USH2A: variants seen among roughly 807,000 people sequenced by gnomAD.
The protein encoded by USH2A is Usher syndrome 2A (autosomal recessive, mild).
In USH2A, 443 loss-of-function variants were observed where a neutral mutation model predicts 538.9. The observed-to-expected ratio is 0.82, with a 90% CI of 0.76 to 0.89. USH2A has a LOEUF of 0.89. Among genes scored for constraint, USH2A ranks in the 40% least tolerant of loss-of-function variants. USH2A has a pLI of 0.00. For synonymous variants in USH2A, 2,413 were observed against 2,273.5 expected (o/e 1.06, Z -1.75); for missense variants, 6,633 against 6,324.8 (o/e 1.05, Z -1.65).
chr1:216,341,179 C>G lies in USH2A; in HGVS notation c.785-13525G>C, dbSNP rs576350352. Among the ~76,000 whole-genome samples the G allele has an allele frequency of 2.0e-5, 3 of 152,176 alleles. No homozygotes were observed. In the East Asian group the frequency reaches 5.8e-4, roughly 30 times the overall value. The stretch of plus-strand genomic sequence containing the variant: ...ATACAAAATCAATGTGCAAAGATCA[C>G]AAGCATTTCTATACACCAAAAATAG... On this transcript the variant is annotated intron_variant, in intron 4 of 71. Transcript: ENST00000307340.
At chr1:216,045,068 C>T (rs2030455003) in intron 32 of USH2A, among the ~76,000 whole-genome samples, 1 of 152,132 alleles carries the variant, frequency 6.6e-6, no homozygotes, top group South Asian at 2.1e-4. Context: ...GGGACAGTAT[C>T]TGGCCAGTTC....
chr1:215,871,896 C>T lies in USH2A; in HGVS notation c.8682-4726G>A, dbSNP rs116587232. 6.0e-3 allele frequency among the ~76,000 whole-genome samples: 915 copies of T among 152,190 alleles called. 9 individuals carry two copies. The highest frequency in any genetic ancestry group is 0.021 in the African/African-American group (859 of 41,500). On this transcript the variant is annotated intron_variant, in intron 43 of 71. Transcript: ENST00000307340. Reference sequence around the variant, plus strand: ...TTGTCCAGGGCAAAATATGTGAAGGCTTGTATCTTGGAAGGGACTGATATA... The same window carrying T: ...TTGTCCAGGGCAAAATATGTGAAGGTTTGTATCTTGGAAGGGACTGATATA...
At chr1:216,218,834 A>G (rs536626278) in intron 14 of USH2A, among the ~76,000 whole-genome samples, 4 of 152,106 alleles carry the variant, frequency 2.6e-5, no homozygotes, top group Non-Finnish European at 5.9e-5. Flanking sequence ...AGAGCTGAAG[A>G]AAATTATGTA....
At position 216,035,166 on chromosome 1, in the gene USH2A, TAG is replaced by T. The variant is rs142013772; in HGVS notation, c.6325+11263_6325+11264del. ...AATCACAGCATCAAATGCACAGCAC[TAG>T]AGTTACACGTTGAATTGTGTTCTCC... On this transcript the variant is annotated intron_variant, in intron 32 of 71. Coordinates refer to ENST00000307340, the MANE Select transcript of USH2A (RefSeq NM_206933.4). Among the ~76,000 whole-genome samples the T allele has an allele frequency of 2.6e-3, 394 of 152,302 alleles. 2 individuals carry two copies. Among genetic ancestry groups the T allele is most frequent in the African/African-American group, 9.0e-3 (375 of 41,568 alleles).
At position 215,625,316 on chromosome 1, in the gene USH2A, C is replaced by T. The variant is rs1655975886; in HGVS notation, c.*465G>A. ...TTGGGATTCATTTAGCAGCTGTGATCATTAGAATAACTATTCTTGCAGGAT... is the reference window on the plus strand; with the variant it reads ...TTGGGATTCATTTAGCAGCTGTGATTATTAGAATAACTATTCTTGCAGGAT... On this transcript the variant is annotated 3_prime_UTR_variant, in exon 72 of 72. Coordinates refer to ENST00000307340, the MANE Select transcript of USH2A (RefSeq NM_206933.4). 1 of 207,248 alleles carries T rather than the reference C, an allele frequency of 4.8e-6. No homozygotes were observed. The highest frequency in any genetic ancestry group is 8.4e-5 in the South Asian group (1 of 11,904). The allele number at this position is 207,248 out of a possible 1,614,324, so 12.8% of individuals were successfully genotyped here. A position where few individuals can be genotyped will look rare whatever the true frequency, so the allele number is the denominator to read the frequency against.
At position 215,782,898 on chromosome 1, in the gene USH2A, C is replaced by A; in HGVS notation, c.10425G>T (p.Arg3475Ser). 1 of 1,613,670 alleles carries A rather than the reference C, an allele frequency of 6.2e-7. No homozygotes were observed. The highest frequency in any genetic ancestry group is 2.2e-5 in the East Asian group (1 of 44,850). The change falls in exon 53 of 72, where the codon AGG becomes AGT. Residue 3475 changes from arginine (R) to serine (S), a missense_variant. Transcript: ENST00000307340. ...GCCCATAGCTGTTCCAGGCAGAAAT[C>A]CTGTACTCATATGTCATGTAGGGCT... ...NLKPYMTYEY[R>S]ISAWNSYGRG... is the part of the protein sequence containing the mutation.
At chr1:215,837,909 T>A in intron 47 of USH2A, 82 bp downstream of exon 47, 1 of 1,139,840 alleles carries the variant, frequency 8.8e-7, no homozygotes, top group Middle Eastern at 1.9e-4. Context: ...GAGATTGTCA[T>A]GGCTGAGAGG....
At chr1:216,045,884 A>C (rs2102524278) in intron 32 of USH2A, among the ~76,000 whole-genome samples, 1 of 152,298 alleles carries the variant, frequency 6.6e-6, no homozygotes, top group Admixed American at 6.5e-5. Flanking sequence ...TTTTAGCTTC[A>C]GTTTCACCAT....
chr1:216,194,641 G>A (rs980674893), intron 19 of USH2A, among the ~76,000 whole-genome samples: 8 of 152,118 alleles, frequency 5.3e-5, no homozygotes, highest in African/African-American at 1.9e-4. Flanking sequence ...GTTTTTAGGA[G>A]TTCAAGTGGC....
intron 38 of USH2A, among the ~76,000 whole-genome samples, chr1:215,913,907 T>C (rs1665878846): frequency 6.6e-6 from 1 of 151,956 alleles, no homozygotes; most frequent in Non-Finnish European, 1.5e-5. Context: ...TGGGGAAAAC[T>C]ATAGATATCC....
intron 14 of USH2A, 57 bp downstream of exon 14, chr1:216,231,896 A>G: frequency 6.2e-7 from 1 of 1,610,874 alleles, no homozygotes; most frequent in Non-Finnish European, 8.5e-7. Flanking sequence ...CAACTGCCAA[A>G]AAAAGTTAAC....
At chr1:215,911,082 C>A (rs748153103) in intron 38 of USH2A, among the ~76,000 whole-genome samples, 1 of 151,360 alleles carries the variant, frequency 6.6e-6, no homozygotes, top group Non-Finnish European at 1.5e-5. Flanking sequence ...TAATTTGTGG[C>A]ATATAGGAGG....
At chr1:216,135,839 G>A (rs1411550797) in intron 21 of USH2A, among the ~76,000 whole-genome samples, 1 of 152,028 alleles carries the variant, frequency 6.6e-6, no homozygotes, top group African/African-American at 2.4e-5. Context: ...ATTTTTGCTT[G>A]TTAGAATTCT....
At chr1:215,647,307 A>T (rs973381535) in intron 67 of USH2A, among the ~76,000 whole-genome samples, 5 of 152,210 alleles carry the variant, frequency 3.3e-5, no homozygotes, top group African/African-American at 1.2e-4. Flanking sequence ...TATCCCCACA[A>T]GAAAATCCTT....
At chr1:216,420,496 A>G (rs1224054195) in intron 2 of USH2A, among the ~76,000 whole-genome samples, 1 of 152,124 alleles carries the variant, frequency 6.6e-6, no homozygotes, top group Admixed American at 6.6e-5. Context: ...AAGGTATTTT[A>G]ATTTTGAAAA....
intron 61 of USH2A, among the ~76,000 whole-genome samples, chr1:215,715,473 T>C (rs1179609222): frequency 6.6e-6 from 1 of 152,192 alleles, no homozygotes; most frequent in African/African-American, 2.4e-5. Context: ...TTAGTCTCAC[T>C]ATGGGTTGTG....
intron 21 of USH2A, among the ~76,000 whole-genome samples, chr1:216,141,142 A>C (rs983732291): frequency 2.0e-5 from 3 of 152,248 alleles, no homozygotes; most frequent in Non-Finnish European, 2.9e-5. Flanking sequence ...GGTGTGCGGA[A>C]AAAGTAAGAC....
At chr1:216,025,502 T>G (rs1268385478) in intron 32 of USH2A, among the ~76,000 whole-genome samples, 1 of 152,034 alleles carries the variant, frequency 6.6e-6, no homozygotes, top group African/African-American at 2.4e-5. Flanking sequence ...TCTTTTAAAG[T>G]CACATATTTA....
At chr1:215,909,140 T>C (rs1038969238) in intron 38 of USH2A, among the ~76,000 whole-genome samples, 1 of 151,722 alleles carries the variant, frequency 6.6e-6, no homozygotes, top group African/African-American at 2.4e-5. Context: ...TCATCTATTA[T>C]ATGCCTAGCA....
Sources: gnomAD v4.1 joint callset for allele counts (sites outside exome capture counted in the v4.1 genomes callset) on GRCh38, gnomAD v4.1.1 for gene constraint, MANE v1.5 for transcripts, NCBI Gene and HGNC (gene_info 2026-07-23, HGNC 2026-07-21) for gene names.